Variants in RPGRIP1L observed in about 807,000 individuals in gnomAD.
RPGRIP1L encodes the protein RPGRIP1 like.
Under a neutral mutation model 160.4 loss-of-function variants are expected in RPGRIP1L, and 131 were observed. The observed-to-expected ratio is 0.82, with a 90% CI of 0.71 to 0.94. The LOEUF is 0.94. Ranked by LOEUF, RPGRIP1L falls within the 40% of genes least tolerant of loss-of-function variation. RPGRIP1L has a pLI of 0.00. For missense variants in RPGRIP1L, 1,522 were observed against 1,535.8 expected (o/e 0.99, Z 0.15); for synonymous variants, 510 against 515.8 (o/e 0.99, Z 0.15).
chr16:53,642,384 A>G (rs1287465580), intron 17 of RPGRIP1L, among the ~76,000 whole-genome samples: 1 of 151,762 alleles, frequency 6.6e-6, no homozygotes, highest in Non-Finnish European at 1.5e-5. Context: ...GCTTAAGAGT[A>G]TCCTTTACTT....
chr16:53,625,475 T>TGGGG (rs368428748), intron 22 of RPGRIP1L, among the ~76,000 whole-genome samples: 1 of 130,216 alleles, frequency 7.7e-6, no homozygotes, highest in African/African-American at 2.8e-5. Flanking sequence ...ATCTGGGGGC[T>TGGGG]GGGGGGGGCG....
At chr16:53,692,888 A>T (rs1356852807) in intron 3 of RPGRIP1L, among the ~76,000 whole-genome samples, 1 of 152,244 alleles carries the variant, frequency 6.6e-6, no homozygotes, top group Non-Finnish European at 1.5e-5. Context: ...AAAAATTCAA[A>T]AGAAACCAAA....
chr16:53,626,806 CAA>C (rs397956424), intron 22 of RPGRIP1L, among the ~76,000 whole-genome samples: 42 of 93,756 alleles, frequency 4.5e-4, no homozygotes, highest in Non-Finnish European at 5.6e-4. Flanking sequence ...CCCTGTCTCT[CAA>C]AAAAAAAAAA....
chr16:53,702,359 G>A (rs1418069270), intron 1 of RPGRIP1L, among the ~76,000 whole-genome samples: 1 of 152,232 alleles, frequency 6.6e-6, no homozygotes, highest in Non-Finnish European at 1.5e-5. Context: ...CATGGATGAT[G>A]CTAAATATCT....
chr16:53,646,762 C>A (rs772088985), intron 16 of RPGRIP1L, among the ~76,000 whole-genome samples: 1 of 152,184 alleles, frequency 6.6e-6, no homozygotes, highest in Non-Finnish European at 1.5e-5. Context: ...TCTCTACATT[C>A]CACAAAGGCA....
intron 16 of RPGRIP1L, 131 bp downstream of exon 16, chr16:53,648,833 T>C: frequency 1.2e-6 from 1 of 811,328 alleles, no homozygotes; most frequent in Non-Finnish European, 2.0e-6. Flanking sequence ...GAGTATATGA[T>C]TACTTCAAAA....
chr16:53,617,913 G>C (rs976988901), intron 24 of RPGRIP1L, among the ~76,000 whole-genome samples: 1 of 152,160 alleles, frequency 6.6e-6, no homozygotes, highest in African/African-American at 2.4e-5. Flanking sequence ...TGATGAACTA[G>C]CATGAGATGG....
chr16:53,617,103 CAACT>C (rs973164665), intron 24 of RPGRIP1L, among the ~76,000 whole-genome samples: 2 of 85,908 alleles, frequency 2.3e-5, no homozygotes, highest in African/African-American at 1.3e-4. Context: ...AAAAAAAGCA[CAACT>C]AACAAAACAC....
chr16:53,635,741 A>G (rs890514918), intron 22 of RPGRIP1L: 3 of 152,214 alleles, frequency 2.0e-5, no homozygotes, highest in East Asian at 1.9e-4. Flanking sequence ...TAATCACTTA[A>G]GAAAAATTAA....
intron 2 of RPGRIP1L, among the ~76,000 whole-genome samples, chr16:53,696,525 T>C (rs1395439697): frequency 6.6e-6 from 1 of 152,186 alleles, no homozygotes; most frequent in Non-Finnish European, 1.5e-5. Flanking sequence ...TGAATAACAA[T>C]AGTATCCATT....
At position 53,601,990 on chromosome 16, in the gene RPGRIP1L, C is replaced by G; in HGVS notation, c.*86G>C. ...CTTCCCATGAATTATAGATTATATA[C>G]ACCAGAGTAATTACAAAAATCTCAT... On this transcript the variant is annotated 3_prime_UTR_variant, in exon 27 of 27. Transcript: ENST00000647211. The G allele has an allele frequency of 2.0e-5, 16 of 801,536 alleles. No individual in the cohort carries two copies. In the Middle Eastern group the frequency reaches 7.4e-4, roughly 37 times the overall value. The allele number at this position is 801,536 out of a possible 1,614,324, so 49.7% of individuals were successfully genotyped here.
chr16:53,665,025 G>A lies in RPGRIP1L; in HGVS notation c.1104-16C>T. ...ACTGAAGGCACTGCAAAACACACGTGACATGCAAGGAAAGCTTGGAAATCA... is the reference window on the plus strand; with the variant it reads ...ACTGAAGGCACTGCAAAACACACGTAACATGCAAGGAAAGCTTGGAAATCA... On this transcript the variant is annotated splice_polypyrimidine_tract_variant and intron_variant, in intron 9 of 26. Coordinates refer to ENST00000647211, the MANE Select transcript of RPGRIP1L (RefSeq NM_015272.5). The A allele has an allele frequency of 6.2e-7, 1 of 1,613,182 alleles. No individual in the cohort carries two copies. Among genetic ancestry groups the A allele is most frequent in the Non-Finnish European group, 8.5e-7 (1 of 1,179,786 alleles).
rs562602845 is a variant in RPGRIP1L, at chr16:53,616,386, A to C, written c.3616+2639T>G. On this transcript the variant is annotated intron_variant, in intron 24 of 26. Coordinates refer to ENST00000647211, the MANE Select transcript of RPGRIP1L (RefSeq NM_015272.5). ...TAATTTTAAAATAAACATTTTCATT[A>C]TGTCATACTTAAATGAAAAATGAAG... Among the ~76,000 whole-genome samples the C allele has an allele frequency of 2.6e-5, 4 of 152,316 alleles. No individual in the cohort carries two copies. In the East Asian group the frequency reaches 7.7e-4, roughly 29 times the overall value.
intron 1 of RPGRIP1L, 56 bp from the exon 2 acceptor site, chr16:53,700,786 C>A: frequency 7.5e-7 from 1 of 1,342,076 alleles, no homozygotes; most frequent in South Asian, 1.2e-5. Context: ...ATTAACTATG[C>A]AATGGAATGA....
intron 17 of RPGRIP1L, among the ~76,000 whole-genome samples, chr16:53,642,568 A>T (rs1471044620): frequency 6.6e-6 from 1 of 152,168 alleles, no homozygotes; most frequent in African/African-American, 2.4e-5. Context: ...AATCTTCTCT[A>T]AAAAAATGAT....
chr16:53,661,131 TAA>T (rs1967756321), intron 10 of RPGRIP1L, among the ~76,000 whole-genome samples: 1 of 151,266 alleles, frequency 6.6e-6, no homozygotes. Context: ...CCATCTCTAC[TAA>T]AAATACAAGA....
chr16:53,675,377 A>G (rs1278420502), intron 6 of RPGRIP1L, among the ~76,000 whole-genome samples: 1 of 152,156 alleles, frequency 6.6e-6, no homozygotes, highest in Non-Finnish European at 1.5e-5. Flanking sequence ...CTTCATGACT[A>G]TGTCACCTCT....
At position 53,678,210 on chromosome 16, in the gene RPGRIP1L, C is replaced by T. The variant is rs576751922; in HGVS notation, c.777-3088G>A. Among the ~76,000 whole-genome samples, 14 of 151,544 alleles carry T rather than the reference C, an allele frequency of 9.2e-5. No individual in the cohort carries two copies. The East Asian group carries it at 2.5e-3, about 27-fold the overall frequency. ...TAAAACTATGAGAAGAGTTGCTGGCCCATCTCTAGATTAAGAACAAACTGA... is the reference window on the plus strand; with the variant it reads ...TAAAACTATGAGAAGAGTTGCTGGCTCATCTCTAGATTAAGAACAAACTGA... On this transcript the variant is annotated intron_variant, in intron 6 of 26. Coordinates refer to ENST00000647211, the MANE Select transcript of RPGRIP1L (RefSeq NM_015272.5).
Position 53,631,862 on chromosome 16 carries a change from G to A in RPGRIP1L, c.3294+4577C>T, listed in dbSNP as rs532437521. On this transcript the variant is annotated intron_variant, in intron 22 of 26. Coordinates refer to ENST00000647211, the MANE Select transcript of RPGRIP1L (RefSeq NM_015272.5). ...TGTGGCACTTTGATGTCCGGGAAAC[G>A]AAGAAAGATAGGGGCAAATTGGGTG... is the stretch of plus-strand genomic sequence containing the variant. Among the ~76,000 whole-genome samples the A allele has an allele frequency of 9.9e-5, 15 of 152,256 alleles. No individual in the cohort carries two copies. The South Asian group carries it at 1.7e-3, about 17-fold the overall frequency.
Sources: gnomAD v4.1 joint callset for allele counts (sites outside exome capture counted in the v4.1 genomes callset) on GRCh38, gnomAD v4.1.1 for gene constraint, MANE v1.5 for transcripts, NCBI Gene and HGNC (gene_info 2026-07-23, HGNC 2026-07-21) for gene names.